TBCK: variants seen among roughly 807,000 people sequenced by gnomAD.
The protein encoded by TBCK is TBC domain-containing protein kinase-like protein.
Under a neutral mutation model 113.4 loss-of-function variants are expected in TBCK, and 99 were observed. The observed-to-expected ratio is 0.87, with a 90% CI of 0.74 to 1.03. The LOEUF (loss-of-function observed/expected upper bound fraction) is 1.03. TBCK is among the 50% of genes least tolerant of loss of function. The pLI is 0.00. For synonymous variants in TBCK, 369 were observed against 370.8 expected (o/e 1.00, Z 0.05); for missense variants, 1,045 against 1,061.3 (o/e 0.98, Z 0.21).
chr4:106,109,405 T>C lies in TBCK; in HGVS notation c.2411+6798A>G, dbSNP rs1278389229. On this transcript the variant is annotated intron_variant, in intron 24 of 25. Transcript: ENST00000394708. ...TAAGGCCACAGTAACCAAAACAGCATGGCAGTAGTACAGAAACAGGCACAT... is the reference window on the plus strand; with the variant it reads ...TAAGGCCACAGTAACCAAAACAGCACGGCAGTAGTACAGAAACAGGCACAT... Among the ~76,000 whole-genome samples, 4 of 152,200 alleles carry C rather than the reference T, an allele frequency of 2.6e-5. No homozygotes were observed. The East Asian group carries it at 7.7e-4, about 29-fold the overall frequency.
chr4:106,114,052 G>A (rs1378314822), intron 24 of TBCK, among the ~76,000 whole-genome samples: 1 of 152,166 alleles, frequency 6.6e-6, no homozygotes, highest in Non-Finnish European at 1.5e-5. Flanking sequence ...ACTCATATTT[G>A]TCTTCTATTA....
intron 3 of TBCK, among the ~76,000 whole-genome samples, chr4:106,274,709 G>C (rs1190017767): frequency 6.6e-6 from 1 of 152,138 alleles, no homozygotes; most frequent in Non-Finnish European, 1.5e-5. Context: ...TTTTTGGAGT[G>C]ATGAAAATGT....
At chr4:106,266,659 TGA>T (rs1260692899) in intron 3 of TBCK, among the ~76,000 whole-genome samples, 2 of 151,920 alleles carry the variant, frequency 1.3e-5, no homozygotes, top group South Asian at 4.1e-4. Context: ...AGCTATTACT[TGA>T]GAGTACATGT....
rs1734245305 is a variant in TBCK at position 106,046,626 on chromosome 4, C to T, written c.2626G>A (p.Gly876Ser). ...KYPRICILDG[G>S]INKIKPTGLL... ...CCTGTTGGCTTTATTTTATTAATGCCACCATCTAGAATACAGATTCTTGGA... is the reference window on the plus strand; with the variant it reads ...CCTGTTGGCTTTATTTTATTAATGCTACCATCTAGAATACAGATTCTTGGA... The change falls in exon 26 of 26, where the codon GGC becomes AGC. Residue 876 changes from glycine (G) to serine (S), a missense_variant. Transcript: ENST00000394708. 3 of 1,612,716 alleles carry T rather than the reference C, an allele frequency of 1.9e-6. No homozygotes were observed. The highest frequency in any genetic ancestry group is 2.5e-6 in the Non-Finnish European group (3 of 1,179,160).
chr4:106,120,396 C>A (rs1744166945), intron 23 of TBCK, among the ~76,000 whole-genome samples: 1 of 152,094 alleles, frequency 6.6e-6, no homozygotes. Context: ...GGGAGGGGCG[C>A]CCACCATTGC....
At chr4:106,049,601 G>C (rs1050757020) in intron 25 of TBCK, among the ~76,000 whole-genome samples, 3 of 151,992 alleles carry the variant, frequency 2.0e-5, no homozygotes, top group Admixed American at 6.6e-5. Context: ...TGGGACAGGG[G>C]AGAACCAGGC....
chr4:106,203,540 T>G (rs1168208005), intron 20 of TBCK, among the ~76,000 whole-genome samples: 3 of 151,736 alleles, frequency 2.0e-5, no homozygotes, highest in African/African-American at 7.2e-5. Flanking sequence ...TCATGATTTC[T>G]CTAAATAAAA....
intron 6 of TBCK, chr4:106,251,106 T>C (rs1194309126): frequency 5.1e-6 from 2 of 388,892 alleles, no homozygotes; most frequent in Non-Finnish European, 5.2e-6. Context: ...TGAGCAATGA[T>C]TGTGTGCCAA....
chr4:106,230,776 C>A (rs1320976286), intron 18 of TBCK, among the ~76,000 whole-genome samples: 1 of 151,708 alleles, frequency 6.6e-6, no homozygotes, highest in Non-Finnish European at 1.5e-5. Context: ...GTTATACGGA[C>A]CTCACGATCC....
intron 22 of TBCK, among the ~76,000 whole-genome samples, chr4:106,190,281 TAAAC>T (rs1753516234): frequency 6.6e-6 from 1 of 152,184 alleles, no homozygotes; most frequent in Admixed American, 6.5e-5. Context: ...TTTATATACT[TAAAC>T]ATCTCTAAAA....
chr4:106,043,301 T>C lies in TBCK; in HGVS notation c.*3269A>G, dbSNP rs777101176. 5.9e-5 allele frequency: 9 copies of C among 152,332 alleles called. No homozygotes were observed. The highest frequency in any genetic ancestry group is 1.0e-4 in the Non-Finnish European group (7 of 68,018). The allele number at this position is 152,332 out of a possible 1,614,324, so 9.4% of individuals were successfully genotyped here. On this transcript the variant is annotated 3_prime_UTR_variant, in exon 26 of 26. Transcript: ENST00000394708. ...AGAATTATCAGATTTTAGAGCTGGATGGGACTTTAGAGATCCTTTTTTCAC... is the reference window on the plus strand; with the variant it reads ...AGAATTATCAGATTTTAGAGCTGGACGGGACTTTAGAGATCCTTTTTTCAC...
intron 3 of TBCK, among the ~76,000 whole-genome samples, chr4:106,287,613 CTTG>C (rs1457940131): frequency 6.6e-6 from 1 of 152,202 alleles, no homozygotes; most frequent in African/African-American, 2.4e-5. Flanking sequence ...TAGCTTCCAC[CTTG>C]TTTTCTTTCC....
At chr4:106,270,437 A>G (rs1158369067) in intron 3 of TBCK, among the ~76,000 whole-genome samples, 1 of 152,188 alleles carries the variant, frequency 6.6e-6, no homozygotes, top group African/African-American at 2.4e-5. Context: ...CACACTAGGT[A>G]ATAAGTCCAA....
intron 3 of TBCK, among the ~76,000 whole-genome samples, chr4:106,284,659 A>G (rs1171647107): frequency 6.6e-6 from 1 of 152,180 alleles, no homozygotes; most frequent in African/African-American, 2.4e-5. Flanking sequence ...ACTCTGCTGA[A>G]TATCTGTCCA....
At chr4:106,241,052 A>C (rs1258124337) in intron 12 of TBCK, among the ~76,000 whole-genome samples, 1 of 152,020 alleles carries the variant, frequency 6.6e-6, no homozygotes, top group Non-Finnish European at 1.5e-5. Flanking sequence ...TCAATGCTTG[A>C]TGTAGGTGGT....
At chr4:106,219,705 CT>C (rs879418628) in intron 19 of TBCK, among the ~76,000 whole-genome samples, 115 of 145,804 alleles carry the variant, frequency 7.9e-4, no homozygotes, top group Middle Eastern at 3.5e-3. Flanking sequence ...ATGAGCTCAA[CT>C]TTTTTTTTTT....
chr4:106,273,554 A>G (rs1448231241), intron 3 of TBCK, among the ~76,000 whole-genome samples: 1 of 152,210 alleles, frequency 6.6e-6, no homozygotes, highest in Non-Finnish European at 1.5e-5. Flanking sequence ...ATTTGGAAAA[A>G]GGGTGTTTTC....
chr4:106,063,628 C>T (rs901619356), intron 25 of TBCK, among the ~76,000 whole-genome samples: 9 of 151,796 alleles, frequency 5.9e-5, no homozygotes, highest in East Asian at 5.8e-4. Flanking sequence ...AAGGGTGCCA[C>T]GGTCTGAATG....
At chr4:106,107,120 C>T (rs1386026522) in intron 24 of TBCK, among the ~76,000 whole-genome samples, 1 of 151,984 alleles carries the variant, frequency 6.6e-6, no homozygotes, top group African/African-American at 2.4e-5. Flanking sequence ...AATACAGGAG[C>T]ACCCAGATTC....
Sources: gnomAD v4.1 joint callset for allele counts (sites outside exome capture counted in the v4.1 genomes callset) on GRCh38, gnomAD v4.1.1 for gene constraint, MANE v1.5 for transcripts, NCBI Gene and HGNC (gene_info 2026-07-23, HGNC 2026-07-21) for gene names.